The following TANGO6 variants were observed in gnomAD, a reference collection of about 807,000 sequenced individuals.
TANGO6 encodes the protein transport and Golgi organization protein 6 homolog.
TANGO6 carries 90 observed loss-of-function variants against 114.2 expected under a neutral mutation model. That is an observed-to-expected ratio of 0.79 (90% CI 0.66 to 0.94). The LOEUF (loss-of-function observed/expected upper bound fraction) is 0.94. Ranked by LOEUF, TANGO6 falls within the 40% of genes least tolerant of loss-of-function variation. TANGO6 has a pLI of 0.00. For synonymous variants in TANGO6, 477 were observed against 509.8 expected (o/e 0.94, Z 0.87); for missense variants, 1,274 against 1,315.3 (o/e 0.97, Z 0.49).
intron 15 of TANGO6, among the ~76,000 whole-genome samples, chr16:68,981,672 G>A (rs1963838217): frequency 6.6e-6 from 1 of 152,132 alleles, no homozygotes; most frequent in African/African-American, 2.4e-5. Flanking sequence ...ATCTTTTTGG[G>A]TATTTCCTTT....
chr16:69,078,071 C>T (rs775275936), intron 17 of TANGO6, among the ~76,000 whole-genome samples: 4 of 152,058 alleles, frequency 2.6e-5, no homozygotes, highest in East Asian at 3.9e-4. Context: ...GAAAGAATCC[C>T]GGAGGCCAAG....
chr16:68,969,320 C>T (rs186459170), intron 14 of TANGO6, among the ~76,000 whole-genome samples: 3 of 152,248 alleles, frequency 2.0e-5, no homozygotes, highest in African/African-American at 7.2e-5. Context: ...CACAGAGTGT[C>T]TAAGTACAGA....
chr16:69,017,718 G>A (rs1334834959), intron 15 of TANGO6, among the ~76,000 whole-genome samples: 1 of 152,070 alleles, frequency 6.6e-6, no homozygotes, highest in Non-Finnish European at 1.5e-5. Context: ...CACTTCCAGG[G>A]AAGCGAAGTG....
At chr16:69,042,044 A>G (rs1318254137) in intron 17 of TANGO6, among the ~76,000 whole-genome samples, 3 of 152,038 alleles carry the variant, frequency 2.0e-5, no homozygotes, top group Non-Finnish European at 4.4e-5. Flanking sequence ...GTTTCCCAGA[A>G]CCCCCCAGGA....
At chr16:68,962,282 T>G (rs987004134) in intron 14 of TANGO6, among the ~76,000 whole-genome samples, 2 of 152,216 alleles carry the variant, frequency 1.3e-5, no homozygotes, top group Non-Finnish European at 2.9e-5. Context: ...TGGTATTTCC[T>G]TCTCTTTAGA....
rs1348989577 is a variant in TANGO6 at position 69,072,064 on chromosome 16, TGTGTAGAGAGAGGGAGACC to T, written c.3109-11416_3109-11398del. 1.3e-3 allele frequency among the ~76,000 whole-genome samples: 178 copies of T among 138,394 alleles called. 3 individuals carry two copies. The highest frequency in any genetic ancestry group is 4.9e-3 in the African/African-American group (171 of 35,020). 90.8% of individuals were successfully genotyped at this position (138,394 alleles called of 152,430 possible). On this transcript the variant is annotated intron_variant, in intron 17 of 17. Transcript: ENST00000261778. ...GTGTGTGTGTGTGTGTGTGTGTGTG[TGTGTAGAGAGAGGGAGACC>T]GTGTGTGTGTGTGTGTATGTGTGAA...
chr16:69,023,693 CCT>C (rs1959451018), intron 16 of TANGO6, among the ~76,000 whole-genome samples: 1 of 151,990 alleles, frequency 6.6e-6, no homozygotes, highest in African/African-American at 2.4e-5. Flanking sequence ...TCTAATTGAC[CCT>C]CTTTGGCCGA....
At chr16:68,900,951 T>C (rs567787255) in intron 8 of TANGO6, among the ~76,000 whole-genome samples, 2 of 152,330 alleles carry the variant, frequency 1.3e-5, no homozygotes, top group South Asian at 4.1e-4. Flanking sequence ...CACTTTGTAA[T>C]TTAGCCTAGG....
intron 7 of TANGO6, among the ~76,000 whole-genome samples, chr16:68,890,377 A>G (rs1202391232): frequency 1.3e-5 from 2 of 152,236 alleles, no homozygotes; most frequent in Non-Finnish European, 2.9e-5. Context: ...TGATGCCTAC[A>G]TTATAAATGA....
Position 68,943,302 on chromosome 16 carries a change from C to T in TANGO6, c.2701+13007C>T, listed in dbSNP as rs1597030836. Among the ~76,000 whole-genome samples, 3 of 142,784 alleles carry T rather than the reference C, an allele frequency of 2.1e-5. No homozygotes were observed. The East Asian group carries it at 6.2e-4, about 29-fold the overall frequency. The allele number at this position is 142,784 out of a possible 152,430, so 93.7% of individuals were successfully genotyped here. A position where few individuals can be genotyped will look rare whatever the true frequency, so the allele number is the denominator to read the frequency against. On this transcript the variant is annotated intron_variant, in intron 14 of 17. Coordinates refer to ENST00000261778, the MANE Select transcript of TANGO6 (RefSeq NM_024562.2). ...TTTATTTTTTGAGACAGGGTCTTAC[C>T]TTGTCACCCAGGCTGGAATGCAGTG...
At chr16:69,074,056 A>G (rs1288499205) in intron 17 of TANGO6, among the ~76,000 whole-genome samples, 1 of 151,890 alleles carries the variant, frequency 6.6e-6, no homozygotes, top group Admixed American at 6.6e-5. Context: ...GAGAAAGCCC[A>G]GGAGGTAACT....
rs572305703 is a variant in TANGO6 at position 68,861,185 on chromosome 16, A to C, written c.735+661A>C. ...ATAAGACTTACAGGGATGACGCAGC[A>C]GGAAGCACTACCCCCGCCATGAGAG... On this transcript the variant is annotated intron_variant, in intron 2 of 17. Transcript: ENST00000261778. Among the ~76,000 whole-genome samples the C allele has an allele frequency of 3.3e-5, 5 of 152,284 alleles. No individual in the cohort carries two copies. In the South Asian group the frequency reaches 1.0e-3, roughly 32 times the overall value.
chr16:68,901,003 A>G (rs1457731757), intron 8 of TANGO6, among the ~76,000 whole-genome samples: 1 of 152,132 alleles, frequency 6.6e-6, no homozygotes, highest in Non-Finnish European at 1.5e-5. Context: ...GATAGAAGGG[A>G]TTTCTTAGTC....
chr16:68,892,235 C>T (rs969596414), intron 7 of TANGO6, among the ~76,000 whole-genome samples: 5 of 152,180 alleles, frequency 3.3e-5, no homozygotes, highest in South Asian at 2.1e-4. Flanking sequence ...ATCATCCTAT[C>T]GCTTATTGCA....
intron 17 of TANGO6, among the ~76,000 whole-genome samples, chr16:69,059,893 G>A (rs7196662): frequency 0.6 from 91,130 of 151,926 alleles, 27,494 homozygotes; most frequent in African/African-American, 0.65. Context: ...TCAGATGAAG[G>A]TCAGACTCCT....
chr16:68,994,796 G>A (rs113765797), intron 15 of TANGO6, among the ~76,000 whole-genome samples: 11 of 151,466 alleles, frequency 7.3e-5, no homozygotes, highest in Admixed American at 5.3e-4. Context: ...TGTTGCCCAC[G>A]CTGATCTCAA....
chr16:69,040,270 C>T (rs1959751605), intron 16 of TANGO6, 38 bp from the exon 17 acceptor site: 2 of 1,536,570 alleles, frequency 1.3e-6, no homozygotes, highest in African/African-American at 2.7e-5. Context: ...TTGTGCAACT[C>T]TGATTCTTAT....
chr16:69,083,980 T>C lies in TANGO6; in HGVS notation c.*319T>C. ...GTATATTTTAACATGACTGATGGAA[T>C]TTCACTAATTGCCCACTCTCTTGGA... On this transcript the variant is annotated 3_prime_UTR_variant, in exon 18 of 18. Transcript: ENST00000261778. 5.2e-6 allele frequency: 1 copy of C among 190,988 alleles called. No individual in the cohort carries two copies. The highest frequency in any genetic ancestry group is 1.1e-5 in the Non-Finnish European group (1 of 93,342). 11.8% of individuals were successfully genotyped at this position (190,988 alleles called of 1,614,324 possible).
At chr16:68,977,458 C>G (rs1456400348) in intron 15 of TANGO6, among the ~76,000 whole-genome samples, 2 of 151,064 alleles carry the variant, frequency 1.3e-5, no homozygotes, top group African/African-American at 4.8e-5. Flanking sequence ...CTTTGGGAGG[C>G]CAAGGCGGGC....
Sources: gnomAD v4.1 joint callset for allele counts (sites outside exome capture counted in the v4.1 genomes callset) on GRCh38, gnomAD v4.1.1 for gene constraint, MANE v1.5 for transcripts, NCBI Gene and HGNC (gene_info 2026-07-23, HGNC 2026-07-21) for gene names.